Variants in TACC1 observed in about 807,000 individuals in gnomAD.
TACC1 encodes the protein transforming acidic coiled-coil-containing protein 1.
In TACC1, 48 loss-of-function variants were observed where a neutral mutation model predicts 84.4. The observed-to-expected ratio is 0.57, with a 90% CI of 0.45 to 0.72. The LOEUF (loss-of-function observed/expected upper bound fraction) is 0.72. Ranked by LOEUF, TACC1 falls within the 30% of genes least tolerant of loss-of-function variation. TACC1 has a pLI of 0.00. For missense variants in TACC1, 920 were observed against 973.0 expected (o/e 0.95, Z 0.72); for synonymous variants, 372 against 376.3 (o/e 0.99, Z 0.13).
Position 38,758,228 on chromosome 8 carries a change from T to C in TACC1, c.26+12735T>C, listed in dbSNP as rs142595570. Among the ~76,000 whole-genome samples the C allele has an allele frequency of 4.3e-4, 66 of 152,314 alleles. No individual in the cohort carries two copies. In the East Asian group the frequency reaches 0.012, roughly 28 times the overall value. On this transcript the variant is annotated intron_variant, in intron 3 of 14. Transcript: ENST00000518415. ...TCGAAGCTATTTAGTTTGAGAAAGA[T>C]ACACTTAACCATCACAAAAGCAGCC...
intron 3 of TACC1, among the ~76,000 whole-genome samples, chr8:38,756,100 C>G (rs910731905): frequency 6.6e-6 from 1 of 151,944 alleles, no homozygotes. Flanking sequence ...AGGTGTGAGC[C>G]ACCGCGCCCG....
chr8:38,812,844 C>A (rs1214850414), intron 2 of TACC1, among the ~76,000 whole-genome samples: 2 of 152,188 alleles, frequency 1.3e-5, no homozygotes, highest in East Asian at 3.9e-4. Context: ...ACAGAGCCCT[C>A]CTCTTTTTTG....
At chr8:38,811,547 C>T (rs1197712181) in intron 2 of TACC1, among the ~76,000 whole-genome samples, 2 of 152,184 alleles carry the variant, frequency 1.3e-5, no homozygotes, top group Non-Finnish European at 2.9e-5. Context: ...ATTTCTTATG[C>T]CTGTCTTTAC....
intron 3 of TACC1, among the ~76,000 whole-genome samples, chr8:38,773,593 T>TCTATCTAG (rs1563382005): frequency 5.3e-5 from 6 of 113,386 alleles, no homozygotes; most frequent in South Asian, 5.5e-4. Context: ...TATCTAGCTA[T>TCTATCTAG]CTATCTATCT....
At chr8:38,785,648 G>C, upstream of TACC1, 1 of 980,286 alleles carries the variant, frequency 1.0e-6, no homozygotes, top group Non-Finnish European at 1.2e-6. Flanking sequence ...GCTAGTTACT[G>C]ATTTGCTGGG....
intron 3 of TACC1, among the ~76,000 whole-genome samples, chr8:38,774,261 A>G (rs1477522016): frequency 3.3e-5 from 5 of 152,184 alleles, no homozygotes; most frequent in Non-Finnish European, 2.9e-5. Flanking sequence ...TGCAGTTCTT[A>G]TATTTCATAC....
chr8:38,846,933 A>G (rs1032773020), intron 12 of TACC1, 114 bp downstream of exon 12: 2 of 1,274,372 alleles, frequency 1.6e-6, no homozygotes, highest in Non-Finnish European at 2.2e-6. Context: ...CTACTCAGAC[A>G]TTTCAGTCCA....
Position 38,787,550 on chromosome 8 carries a change from C to T in TACC1, c.-33C>T. On this transcript the variant is annotated 5_prime_UTR_variant, in exon 1 of 13. Coordinates refer to ENST00000317827, the MANE Select transcript of TACC1 (RefSeq NM_006283.3). The stretch of plus-strand genomic sequence containing the variant: ...AAGGCTCTCCCCACCCATTCCCCTG[C>T]CCCTAGGAGCTGGAGCCGGAGGAGC... The T allele has an allele frequency of 1.3e-6, 2 of 1,523,252 alleles. No individual in the cohort carries two copies. The highest frequency in any genetic ancestry group is 8.8e-7 in the Non-Finnish European group (1 of 1,136,408). 94.4% of individuals were successfully genotyped at this position (1,523,252 alleles called of 1,614,324 possible). A position where few individuals can be genotyped will look rare whatever the true frequency, so the allele number is the denominator to read the frequency against.
At chr8:38,801,264 C>T (rs1285553386) in intron 2 of TACC1, among the ~76,000 whole-genome samples, 1 of 152,084 alleles carries the variant, frequency 6.6e-6, no homozygotes, top group Non-Finnish European at 1.5e-5. Flanking sequence ...GTCTCTTATG[C>T]CTTGATGTCA....
chr8:38,816,282 A>G (rs1825423673), intron 2 of TACC1, among the ~76,000 whole-genome samples: 1 of 152,188 alleles, frequency 6.6e-6, no homozygotes, highest in African/African-American at 2.4e-5. Flanking sequence ...CAAAACTAAG[A>G]TATTTAGAAG....
chr8:38,770,150 C>T (rs932385519), intron 3 of TACC1, among the ~76,000 whole-genome samples: 9 of 151,966 alleles, frequency 5.9e-5, no homozygotes, highest in African/African-American at 1.7e-4. Context: ...CACAGAGCAG[C>T]GCAGGTTTGG....
intron 3 of TACC1, among the ~76,000 whole-genome samples, chr8:38,756,062 C>G (rs759519968): frequency 6.6e-6 from 1 of 151,906 alleles, no homozygotes; most frequent in East Asian, 1.9e-4. Flanking sequence ...TAATCCACCC[C>G]CTAGGCCTCC....
chr8:38,805,843 A>G (rs1365290819), intron 2 of TACC1, among the ~76,000 whole-genome samples: 3 of 152,194 alleles, frequency 2.0e-5, no homozygotes, highest in African/African-American at 7.2e-5. Context: ...CTTACAGTCA[A>G]TTGCTTTTAT....
At position 38,819,699 on chromosome 8, in the gene TACC1, T is replaced by G; in HGVS notation, c.455T>G (p.Phe152Cys). The G allele has an allele frequency of 6.2e-7, 1 of 1,614,162 alleles. No homozygotes were observed. Among genetic ancestry groups the G allele is most frequent in the Non-Finnish European group, 8.5e-7 (1 of 1,180,020 alleles). Residue 152 changes from phenylalanine (F) to cysteine (C), a missense_variant, in exon 3 of 13, where the codon TTT (phenylalanine) becomes TGT (cysteine). This residue lies in a region of TACC1 where 762 missense variants were observed against 747.3 expected (regional missense o/e 1.02). Coordinates refer to ENST00000317827, the MANE Select transcript of TACC1 (RefSeq NM_006283.3). ...DFSKISIVRP[F>C]SIETKDSTDI... ...AGCAAAATTTCCATCGTGAGGCCATTTTCAATAGAAACGAAGGATTCCACG... is the reference window on the plus strand; with the variant it reads ...AGCAAAATTTCCATCGTGAGGCCATGTTCAATAGAAACGAAGGATTCCACG...
At chr8:38,795,334 T>C (rs1214551896) in intron 2 of TACC1, among the ~76,000 whole-genome samples, 1 of 152,236 alleles carries the variant, frequency 6.6e-6, no homozygotes, top group Admixed American at 6.5e-5. Context: ...ACAATTTTTC[T>C]TTTAAGATGA....
At chr8:38,836,029 T>C (rs1436974091) in intron 6 of TACC1, 133 bp from the exon 7 acceptor site, 1 of 1,223,436 alleles carries the variant, frequency 8.2e-7, no homozygotes, top group Non-Finnish European at 1.1e-6. Flanking sequence ...TTTAAAAAGC[T>C]TCCCCCCGCT....
rs1265822755 is a variant in TACC1 at position 38,820,057 on chromosome 8, G to A, written c.813G>A (p.Leu271=). 7 of 1,613,964 alleles carry A rather than the reference G, an allele frequency of 4.3e-6. No homozygotes were observed. In the Admixed American group the frequency reaches 1.0e-4, roughly 23 times the overall value. The change falls in exon 3 of 13, where the codon TTG becomes TTA. Residue 271 remains leucine (L), a synonymous_variant. Coordinates refer to ENST00000317827, the MANE Select transcript of TACC1 (RefSeq NM_006283.3). The part of the protein sequence containing the change: ...KASYHFSPEE[L]DENTSPLLGD... ...CCTATCACTTCAGTCCTGAAGAGTTGGATGAGAACACAAGTCCTTTGCTAG... is the reference window on the plus strand; with the variant it reads ...CCTATCACTTCAGTCCTGAAGAGTTAGATGAGAACACAAGTCCTTTGCTAG...
At chr8:38,843,934 AGAAAAG>A (rs1385059264) in intron 11 of TACC1, among the ~76,000 whole-genome samples, 3 of 152,204 alleles carry the variant, frequency 2.0e-5, no homozygotes, top group Non-Finnish European at 4.4e-5. Flanking sequence ...TCTGTATGTT[AGAAAAG>A]GAATTGCTAG....
chr8:38,749,295 G>A (rs1228281904), intron 3 of TACC1, among the ~76,000 whole-genome samples: 2 of 152,290 alleles, frequency 1.3e-5, no homozygotes, highest in Non-Finnish European at 2.9e-5. Flanking sequence ...CTTACTGAGA[G>A]AATTCTGGGT....
Sources: allele counts gnomAD v4.1 joint callset (sites outside exome capture counted in the v4.1 genomes callset), GRCh38; gene constraint gnomAD v4.1.1; regional missense constraint gnomAD v4.1.1; transcripts MANE v1.5; gene names NCBI Gene and HGNC (gene_info 2026-07-23, HGNC 2026-07-21).